Variants in LRRFIP1 observed in about 807,000 individuals in gnomAD.
LRRFIP1 encodes leucine-rich repeat flightless-interacting protein 1.
Under a neutral mutation model 104.4 loss-of-function variants are expected in LRRFIP1, and 62 were observed. The observed-to-expected ratio is 0.59, with a 90% CI of 0.48 to 0.73. LRRFIP1 has a LOEUF of 0.73. Among genes scored for constraint, LRRFIP1 ranks in the 30% least tolerant of loss-of-function variants. The pLI is 0.00. For missense variants in LRRFIP1, 796 were observed against 824.5 expected, an observed-to-expected ratio of 0.97 and a Z score of 0.42; for synonymous variants, 300 against 299.0, an observed-to-expected ratio of 1.00 and a Z score of -0.03.
At chr2:237,677,466 C>T (rs1394758607) in intron 1 of LRRFIP1, among the ~76,000 whole-genome samples, 1 of 152,168 alleles carries the variant, frequency 6.6e-6, no homozygotes, top group Non-Finnish European at 1.5e-5. Flanking sequence ...CTTCTACCTA[C>T]AAAAGACCAA....
intron 19 of LRRFIP1, chr2:237,762,508 G>A (rs1217513077): frequency 6.5e-6 from 6 of 929,526 alleles, no homozygotes; most frequent in Non-Finnish European, 9.7e-6. Context: ...TAGGAATAGG[G>A]GTGGGTGGGA....
At chr2:237,751,528 C>T (rs1168808820) in intron 14 of LRRFIP1, among the ~76,000 whole-genome samples, 4 of 152,218 alleles carry the variant, frequency 2.6e-5, no homozygotes, top group African/African-American at 7.2e-5. Context: ...ATGCCTTAGA[C>T]TTACCATCCT....
At chr2:237,681,406 A>C (rs923012579) in intron 1 of LRRFIP1, among the ~76,000 whole-genome samples, 1 of 151,694 alleles carries the variant, frequency 6.6e-6, no homozygotes, top group Non-Finnish European at 1.5e-5. Context: ...TCGTTCTGTG[A>C]CCCAGGCTGG....
At chr2:237,695,980 A>AAC (rs993314575) in intron 1 of LRRFIP1, among the ~76,000 whole-genome samples, 1 of 126,070 alleles carries the variant, frequency 7.9e-6, no homozygotes, top group Admixed American at 8.1e-5. Context: ...AATAAACCAA[A>AAC]ACACACACAC....
At chr2:237,767,980 T>A (rs935695770) in intron 19 of LRRFIP1, among the ~76,000 whole-genome samples, 2 of 152,224 alleles carry the variant, frequency 1.3e-5, no homozygotes, top group Admixed American at 1.3e-4. Flanking sequence ...GTTCTTTTTG[T>A]CCCTATCTAC....
chr2:237,628,503 G>A (rs2081913690), intron 1 of LRRFIP1, among the ~76,000 whole-genome samples: 2 of 152,118 alleles, frequency 1.3e-5, no homozygotes, highest in Middle Eastern at 3.4e-3. Flanking sequence ...CCAGAAAGCC[G>A]TACAGGGACA....
At chr2:237,757,298 GA>G (rs1278261074) in intron 16 of LRRFIP1, among the ~76,000 whole-genome samples, 157 bp from the exon 17 acceptor site, 1 of 152,138 alleles carries the variant, frequency 6.6e-6, no homozygotes, top group African/African-American at 2.4e-5. Context: ...GTAGGACAAG[GA>G]AAAAAATCCT....
Position 237,681,083 on chromosome 2 carries a change from A to G in LRRFIP1, c.97-27461A>G, listed in dbSNP as rs373687639. On this transcript the variant is annotated intron_variant, in intron 1 of 23. Coordinates refer to ENST00000308482, the MANE Select transcript of LRRFIP1 (RefSeq NM_001137550.2). ...CTGGCCAAGAAATTTTTGAAAAAAC[A>G]TAACAGGGGTAGTTTTCAACTTTTT... Among the ~76,000 whole-genome samples the G allele has an allele frequency of 2.6e-4, 40 of 152,354 alleles. No individual in the cohort carries two copies. The South Asian group carries it at 7.7e-3, about 29-fold the overall frequency.
chr2:237,637,086 CT>C (rs1401458183), intron 1 of LRRFIP1, among the ~76,000 whole-genome samples: 1 of 152,172 alleles, frequency 6.6e-6, no homozygotes, highest in Non-Finnish European at 1.5e-5. Flanking sequence ...TTATGGTATT[CT>C]TTTACTGAGA....
At chr2:237,725,739 C>T (rs1377422436) in intron 7 of LRRFIP1, among the ~76,000 whole-genome samples, 1 of 152,186 alleles carries the variant, frequency 6.6e-6, no homozygotes, top group Admixed American at 6.5e-5. Flanking sequence ...CCCAGGTTTT[C>T]GTAGAAGGCT....
intron 4 of LRRFIP1, among the ~76,000 whole-genome samples, chr2:237,718,887 C>G (rs1341023590): frequency 2.7e-5 from 4 of 147,392 alleles, no homozygotes; most frequent in Non-Finnish European, 6.2e-5. Flanking sequence ...TTTGTTAAAT[C>G]TTAAGACATT....
At chr2:237,748,219 ATTTGGAGTGTCC>A in intron 11 of LRRFIP1, 133 bp from the exon 12 acceptor site, 1 of 694,840 alleles carries the variant, frequency 1.4e-6, no homozygotes, top group South Asian at 1.6e-5. Context: ...GAAAAGCTAA[ATTTGGAGTGTCC>A]CATTTTTCTG....
intron 8 of LRRFIP1, among the ~76,000 whole-genome samples, chr2:237,733,355 G>C (rs1368547604): frequency 6.6e-6 from 1 of 152,158 alleles, no homozygotes; most frequent in East Asian, 1.9e-4. Flanking sequence ...GACTCTTCCT[G>C]CTCCTGTCTT....
chr2:237,774,997 C>G (rs1306085200), intron 23 of LRRFIP1, among the ~76,000 whole-genome samples: 1 of 152,260 alleles, frequency 6.6e-6, no homozygotes, highest in Non-Finnish European at 1.5e-5. Context: ...AGACACTTGG[C>G]AAAGTTGTTT....
At chr2:237,629,840 G>A (rs2082101428) in intron 1 of LRRFIP1, among the ~76,000 whole-genome samples, 2 of 152,112 alleles carry the variant, frequency 1.3e-5, no homozygotes, top group African/African-American at 4.8e-5. Flanking sequence ...TGAGAGCCCT[G>A]AGGTCCTCCC....
At chr2:237,678,128 T>C (rs995245190) in intron 1 of LRRFIP1, among the ~76,000 whole-genome samples, 4 of 152,150 alleles carry the variant, frequency 2.6e-5, no homozygotes, top group Admixed American at 6.5e-5. Context: ...TCATAGCTCC[T>C]TATCTGGCTC....
At position 237,769,918 on chromosome 2, in the gene LRRFIP1, AC is replaced by A. The variant is rs771087477; in HGVS notation, c.1460-23del. On this transcript the variant is annotated intron_variant, in intron 19 of 23. Coordinates refer to ENST00000308482, the MANE Select transcript of LRRFIP1 (RefSeq NM_001137550.2). Reference sequence around the variant, plus strand: ...AGGCGCGGCACGCGGATTCACCTAAACCTGTGTCTTTGTGATTTCTTTAGAT... The same window carrying A: ...AGGCGCGGCACGCGGATTCACCTAAACTGTGTCTTTGTGATTTCTTTAGAT... The A allele has an allele frequency of 5.4e-5, 85 of 1,577,854 alleles. 2 individuals carry two copies. In the Middle Eastern group the frequency reaches 5.5e-3, roughly 101 times the overall value.
intron 1 of LRRFIP1, among the ~76,000 whole-genome samples, chr2:237,676,938 C>T (rs1312210160): frequency 1.3e-5 from 2 of 152,250 alleles, no homozygotes; most frequent in East Asian, 3.8e-4. Context: ...CTCCTGTTTT[C>T]TGGGGAAACT....
intron 1 of LRRFIP1, among the ~76,000 whole-genome samples, chr2:237,663,852 C>T (rs1014946393): frequency 2.0e-5 from 3 of 152,020 alleles, no homozygotes; most frequent in South Asian, 2.1e-4. Context: ...CACGTGCATT[C>T]GCCTGGGCCA....
Sources: allele counts gnomAD v4.1 joint callset (sites outside exome capture counted in the v4.1 genomes callset), GRCh38; gene constraint gnomAD v4.1.1; transcripts MANE v1.5; gene names NCBI Gene and HGNC (gene_info 2026-07-23, HGNC 2026-07-21).